The following KLHL13 variants were observed in gnomAD, a reference collection of about 807,000 sequenced individuals.
The protein encoded by KLHL13 is kelch-like protein 13.
KLHL13 carries 10 observed loss-of-function variants against 37.1 expected under a neutral mutation model. The observed-to-expected ratio is 0.27, with a 90% CI of 0.17 to 0.46. The LOEUF (loss-of-function observed/expected upper bound fraction) is 0.46. Ranked by LOEUF, KLHL13 falls within the 20% of genes least tolerant of loss-of-function variation. The pLI, the probability that KLHL13 is intolerant of heterozygous loss-of-function variation, is 1.00. For missense variants in KLHL13, 360 were observed against 509.3 expected (o/e 0.71, Z 2.82); for synonymous variants, 163 against 181.2 (o/e 0.90, Z 0.81).
intron 2 of KLHL13, among the ~76,000 whole-genome samples, chrX:117,936,383 C>T (rs1932762714): frequency 8.9e-6 from 1 of 111,757 alleles, no homozygotes; most frequent in Admixed American, 9.5e-5. Context: ...TTGCTGAAGC[C>T]ATTTAATGGA....
intron 1 of KLHL13, among the ~76,000 whole-genome samples, chrX:118,073,228 T>C (rs1403062635): frequency 9.1e-6 from 1 of 110,395 alleles, no homozygotes; most frequent in African/African-American, 3.3e-5. Context: ...AATAAGGAGG[T>C]TTAATGGACT....
chrX:118,049,583 T>C (rs752459036), intron 1 of KLHL13, among the ~76,000 whole-genome samples: 1 of 110,596 alleles, frequency 9.0e-6, no homozygotes, highest in Admixed American at 9.8e-5. Context: ...CATTGAGTGG[T>C]GATTCTTCAC....
chrX:117,909,674 G>A, exon 5 of KLHL13: 2 of 1,211,198 alleles, frequency 1.7e-6, no homozygotes, highest in Non-Finnish European at 2.2e-6. Flanking sequence ...TGGCAGTCCT[G>A]TCTGACTGCA....
At chrX:118,103,302 G>A (rs1297854142) in intron 1 of KLHL13, among the ~76,000 whole-genome samples, 1 of 111,300 alleles carries the variant, frequency 9.0e-6, no homozygotes, top group Non-Finnish European at 1.9e-5. Context: ...CCTACTAGCT[G>A]TGAGATCACC....
At chrX:118,044,818 T>C (rs2054540750) in intron 1 of KLHL13, among the ~76,000 whole-genome samples, 1 of 112,037 alleles carries the variant, frequency 8.9e-6, no homozygotes, top group South Asian at 3.7e-4. Flanking sequence ...CTCCAGAATA[T>C]TGGTCTAGGC....
intron 1 of KLHL13, among the ~76,000 whole-genome samples, chrX:118,048,666 G>A (rs1351859747): frequency 9.0e-6 from 1 of 111,673 alleles, no homozygotes; most frequent in Non-Finnish European, 1.9e-5. Context: ...GACGGGATAT[G>A]ACATAGAAAG....
chrX:118,025,066 T>C (rs1001484612), intron 1 of KLHL13, among the ~76,000 whole-genome samples: 1 of 112,206 alleles, frequency 8.9e-6, no homozygotes, highest in Non-Finnish European at 1.9e-5. Context: ...GAACTACTGA[T>C]ACATGCAGCT....
intron 1 of KLHL13, among the ~76,000 whole-genome samples, chrX:118,104,910 T>C (rs186757626): frequency 1.8e-5 from 2 of 112,760 alleles, no homozygotes; most frequent in East Asian, 5.6e-4. Flanking sequence ...AATTATATCT[T>C]AATAAAGCCG....
At chrX:118,053,840 AGAGAGAGAG>A (rs1187595345) in intron 1 of KLHL13, among the ~76,000 whole-genome samples, 2 of 36,083 alleles carry the variant, frequency 5.5e-5, no homozygotes, top group African/African-American at 2.8e-4. Flanking sequence ...AGAGAGAGAG[AGAGAGAGAG>A]GAGAGAGAGA....
chrX:117,964,969 T>G lies in KLHL13; in HGVS notation c.98+7762A>C, dbSNP rs183534891. 9.8e-5 allele frequency among the ~76,000 whole-genome samples: 11 copies of G among 112,069 alleles called. No individual in the cohort carries two copies. In the East Asian group the frequency reaches 3.1e-3, roughly 31 times the overall value. On this transcript the variant is annotated intron_variant, in intron 1 of 6. Transcript: ENST00000262820. ...TCCATGGTGTATATGTGCCACATTTTCTTAATCCGGTCTATCATTGATGGA... is the reference window on the plus strand; with the variant it reads ...TCCATGGTGTATATGTGCCACATTTGCTTAATCCGGTCTATCATTGATGGA...
chrX:117,973,400 T>C (rs6646018), exon 1 of KLHL13: 93,651 of 968,630 alleles, frequency 0.097, 6,695 homozygotes, highest in African/African-American at 0.51. Flanking sequence ...AGCCTTAGGC[T>C]ACCGCTAATA....
chrX:118,022,818 A>G (rs2054234131), intron 1 of KLHL13, among the ~76,000 whole-genome samples: 1 of 111,617 alleles, frequency 9.0e-6, no homozygotes, highest in African/African-American at 3.3e-5. Flanking sequence ...TTTCCTTCCC[A>G]TGAAGAAGAT....
intron 1 of KLHL13, among the ~76,000 whole-genome samples, chrX:118,060,622 A>T (rs1267068991): frequency 9.0e-6 from 1 of 111,392 alleles, no homozygotes; most frequent in Non-Finnish European, 1.9e-5. Context: ...CAGATTAAAA[A>T]AAACAGAGGC....
intron 1 of KLHL13, among the ~76,000 whole-genome samples, chrX:118,065,950 T>C (rs1310780525): frequency 8.9e-6 from 1 of 112,006 alleles, no homozygotes; most frequent in Non-Finnish European, 1.9e-5. Context: ...ACATAGCTGA[T>C]AGTATATTAT....
chrX:117,959,321 T>C (rs760808192), intron 1 of KLHL13, among the ~76,000 whole-genome samples: 8 of 112,034 alleles, frequency 7.1e-5, no homozygotes, highest in Non-Finnish European at 1.5e-4. Flanking sequence ...GGGTTATCTA[T>C]TGGACAATGA....
intron 1 of KLHL13, among the ~76,000 whole-genome samples, chrX:118,062,756 C>T (rs1442747005): frequency 9.0e-6 from 1 of 110,910 alleles, no homozygotes; most frequent in East Asian, 2.8e-4. Flanking sequence ...ATTAAACAAA[C>T]TGCTACAAAA....
At chrX:118,073,051 G>A (rs1322477496) in intron 1 of KLHL13, among the ~76,000 whole-genome samples, 1 of 108,236 alleles carries the variant, frequency 9.2e-6, no homozygotes, top group Non-Finnish European at 1.9e-5. Context: ...CCAAGACTGT[G>A]CCACTGCACT....
At chrX:117,972,378 T>C (rs758613489) in intron 1 of KLHL13, among the ~76,000 whole-genome samples, 4 of 112,558 alleles carry the variant, frequency 3.6e-5, no homozygotes, top group Non-Finnish European at 7.5e-5. Flanking sequence ...CAATTTTTAA[T>C]GCCATTACAC....
chrX:118,105,624 C>G (rs752636808), intron 1 of KLHL13, among the ~76,000 whole-genome samples: 1 of 112,636 alleles, frequency 8.9e-6, no homozygotes, highest in Non-Finnish European at 1.9e-5. Context: ...GACTCATGTT[C>G]TCTGTTGCCC....
Sources: allele counts gnomAD v4.1 joint callset (sites outside exome capture counted in the v4.1 genomes callset), GRCh38; gene constraint gnomAD v4.1.1; transcripts MANE v1.5; gene names NCBI Gene and HGNC (gene_info 2026-07-23, HGNC 2026-07-21).